The following ZDHHC19 variants were observed in gnomAD, a reference collection of about 807,000 sequenced individuals.
The protein encoded by ZDHHC19 is zDHHC palmitoyltransferase 19, also known as palmitoyltransferase ZDHHC19.
ZDHHC19 carries 30 observed loss-of-function variants against 33.9 expected under a neutral mutation model. That is an observed-to-expected ratio of 0.88 (90% CI 0.66 to 1.20). The LOEUF is 1.20. Among genes scored for constraint, ZDHHC19 ranks in the 50% most tolerant of loss-of-function variants. The pLI is 0.00. For synonymous variants in ZDHHC19, 178 were observed against 167.6 expected (o/e 1.06, Z -0.48); for missense variants, 364 against 401.1 (o/e 0.91, Z 0.79).
chr3:196,199,887 G>A (rs1389983684), intron 5 of ZDHHC19, among the ~76,000 whole-genome samples: 1 of 151,940 alleles, frequency 6.6e-6, no homozygotes, highest in African/African-American at 2.4e-5. Flanking sequence ...GGAGGTTGCA[G>A]TGAGCCGAGA....
At position 196,210,626 on chromosome 3, in the gene ZDHHC19, G is replaced by A; in HGVS notation, c.258C>T (p.Ile86=). 6.2e-7 allele frequency: 1 copy of A among 1,614,068 alleles called. No individual in the cohort carries two copies. The highest frequency in any genetic ancestry group is 8.5e-7 in the Non-Finnish European group (1 of 1,179,956). The change falls in exon 2 of 8, where the codon ATC becomes ATT. Residue 86 remains isoleucine, a synonymous_variant. Transcript: ENST00000296326. ...LVSLNFSDPG[I]LHQGSAEQGP... is the part of the protein sequence containing the mutation. ...GGGCTGATGCCTCACCTTGATGTAA[G>A]ATGCCAGGGTCTGAGAAGTTGAGTG...
At chr3:196,209,198 G>A (rs1723016425) in intron 3 of ZDHHC19, 178 bp downstream of exon 3, 1 of 857,454 alleles carries the variant, frequency 1.2e-6, no homozygotes, top group Non-Finnish European at 1.8e-6. Flanking sequence ...AGCCTCCCAG[G>A]ACAGGTGCAG....
intron 6 of ZDHHC19, 131 bp from the exon 7 acceptor site, chr3:196,198,582 G>T: frequency 6.4e-7 from 1 of 1,550,628 alleles, no homozygotes. Context: ...CATCCAGGAT[G>T]CAGCAGCCCT....
intron 5 of ZDHHC19, among the ~76,000 whole-genome samples, chr3:196,204,497 A>T (rs1722587315): frequency 6.6e-6 from 1 of 152,212 alleles, no homozygotes; most frequent in South Asian, 2.1e-4. Context: ...ATCCTAGCAG[A>T]TTTTTTTGTA....
In ZDHHC19 at chr3:196,208,239, C is replaced by T. The variant is rs1025383499; in HGVS notation, c.581+149G>A. 8 of 602,270 alleles carry T rather than the reference C, an allele frequency of 1.3e-5. 1 individual carries two copies. The highest frequency in any genetic ancestry group is 3.8e-5 in the African/African-American group (2 of 52,918). The allele number at this position is 602,270 out of a possible 1,614,324, so 37.3% of individuals were successfully genotyped here. On this transcript the variant is annotated intron_variant, in intron 4 of 7. Transcript: ENST00000296326. ...CTCCGCCCCTTCTCCTAGCCCCGCC[C>T]ATCCCCCGACCCCGCCCACCTCACC...
intron 5 of ZDHHC19, among the ~76,000 whole-genome samples, chr3:196,206,034 C>G (rs1722703499): frequency 1.3e-5 from 2 of 149,602 alleles, no homozygotes; most frequent in Non-Finnish European, 3.0e-5. Context: ...CCTAAATTCT[C>G]CACCTGACTT....
chr3:196,210,494 A>C, intron 2 of ZDHHC19, 122 bp downstream of exon 2: 1 of 1,217,752 alleles, frequency 8.2e-7, no homozygotes, highest in Non-Finnish European at 1.2e-6. Context: ...AGCAATGAAG[A>C]CGTGGGGTGA....
rs1331975833 is a variant in ZDHHC19, at chr3:196,208,435, G to A, written c.534C>T (p.Phe178=). 1 of 1,614,060 alleles carries A rather than the reference G, an allele frequency of 6.2e-7. No individual in the cohort carries two copies. The highest frequency in any genetic ancestry group is 1.7e-5 in the Admixed American group (1 of 60,004). Residue 178 remains phenylalanine, a synonymous_variant, in exon 4 of 8, where the codon TTC becomes TTT. Coordinates refer to ENST00000296326, the MANE Select transcript of ZDHHC19 (RefSeq NM_001039617.2). The part of the protein sequence containing the change: ...SGAMLVTCLI[F]LVRTTHLPFS... ...AGGGCAGGTGGGTTGTGCGCACCAG[G>A]AAGATGAGACAGGTGACCAGCATGG... is the stretch of plus-strand genomic sequence containing the variant.
chr3:196,210,359 A>AGAAAGAAAGAAG (rs1271381279), intron 2 of ZDHHC19, among the ~76,000 whole-genome samples: 1 of 133,978 alleles, frequency 7.5e-6, no homozygotes, highest in African/African-American at 2.7e-5. Context: ...AAAGAAAGAA[A>AGAAAGAAAGAAG]GAAGGAAGGA....
intron 5 of ZDHHC19, among the ~76,000 whole-genome samples, chr3:196,205,408 C>T (rs1722655531): frequency 6.6e-6 from 1 of 152,068 alleles, no homozygotes; most frequent in Non-Finnish European, 1.5e-5. Flanking sequence ...CACAAGCCAA[C>T]AATTTCAGTT....
In ZDHHC19 at chr3:196,209,481, C is replaced by T. The variant is rs1440335929; in HGVS notation, c.303G>A (p.Val101=). The T allele has an allele frequency of 1.2e-6, 2 of 1,612,772 alleles. No individual in the cohort carries two copies. Among genetic ancestry groups the T allele is most frequent in the African/African-American group, 2.7e-5 (2 of 74,938 alleles). Residue 101 remains valine (V), a synonymous_variant, in exon 3 of 8, where the codon GTG becomes GTA. Coordinates refer to ENST00000296326, the MANE Select transcript of ZDHHC19 (RefSeq NM_001039617.2). ...SAEQGPLTVH[V]VWVNHGAFRL... ...GGAAGGCCCCGTGGTTCACCCACAC[C>T]ACGTGCACCGTCAAGGGGCCCTGCT...
intron 5 of ZDHHC19, among the ~76,000 whole-genome samples, chr3:196,202,865 G>A (rs1034017238): frequency 6.6e-6 from 1 of 152,200 alleles, no homozygotes; most frequent in Non-Finnish European, 1.5e-5. Context: ...CTTGGCTGCT[G>A]GAGAGCAGAG....
intron 4 of ZDHHC19, 74 bp from the exon 5 acceptor site, chr3:196,207,577 GC>G (rs1463885187): frequency 6.4e-6 from 5 of 778,546 alleles, no homozygotes; most frequent in Non-Finnish European, 8.3e-6. Context: ...TCCGCCCCGA[GC>G]CCCGCCCCGC....
At chr3:196,202,481 C>G (rs987771002) in intron 5 of ZDHHC19, 8 of 152,376 alleles carry the variant, frequency 5.3e-5, no homozygotes, top group African/African-American at 1.9e-4. Flanking sequence ...AAGGAAAGTT[C>G]CAGTCACTGT....
Position 196,210,346 on chromosome 3 carries a change from G to GAAAGAA in ZDHHC19, c.268+269_268+270insTTCTTT, listed in dbSNP as rs1553821874. Among the ~76,000 whole-genome samples, 147 of 78,032 alleles carry GAAAGAA rather than the reference G, an allele frequency of 1.9e-3. 2 individuals carry two copies. The highest frequency in any genetic ancestry group is 5.2e-3 in the African/African-American group (134 of 25,832). 51.2% of individuals were successfully genotyped at this position (78,032 alleles called of 152,430 possible). Reference sequence around the variant, plus strand: ...GAAGGAAAGAAAGAAAGAAAGAAAAGAGAAAGAAAGAAAGAAGGAAGGAAG... The same window carrying GAAAGAA: ...GAAGGAAAGAAAGAAAGAAAGAAAAGAAAGAAAGAAAGAAAGAAAGAAGGAAGGAAG... On this transcript the variant is annotated intron_variant, in intron 2 of 7. Transcript: ENST00000296326.
intron 5 of ZDHHC19, among the ~76,000 whole-genome samples, chr3:196,200,840 G>A (rs74597085): frequency 0.11 from 17,301 of 151,068 alleles, 1,142 homozygotes; most frequent in Middle Eastern, 0.21. Flanking sequence ...TGCAGGAATG[G>A]GGTCTGGCTA....
intron 5 of ZDHHC19, chr3:196,199,718 T>A (rs112899967): frequency 6.5e-6 from 1 of 154,058 alleles, no homozygotes; most frequent in African/African-American, 2.4e-5. Flanking sequence ...CCGAGGCAGG[T>A]GGATCACTTG....
chr3:196,200,501 CTCG>C (rs1484938563), intron 5 of ZDHHC19, among the ~76,000 whole-genome samples: 1 of 149,854 alleles, frequency 6.7e-6, no homozygotes, highest in African/African-American at 2.5e-5. Context: ...ATTACAGGTG[CTCG>C]CCACCACGCC....
At chr3:196,200,359 A>ATT (rs527886339) in intron 5 of ZDHHC19, among the ~76,000 whole-genome samples, 16,514 of 123,866 alleles carry the variant, frequency 0.13, 1,395 homozygotes, top group Middle Eastern at 0.23. Context: ...TATATATATA[A>ATT]TTTTTTTTTT....
Sources: gnomAD v4.1 joint callset for allele counts (sites outside exome capture counted in the v4.1 genomes callset) on GRCh38, gnomAD v4.1.1 for gene constraint, MANE v1.5 for transcripts, NCBI Gene and HGNC (gene_info 2026-07-23, HGNC 2026-07-21) for gene names.